DPP6: variants seen among roughly 807,000 people sequenced by gnomAD.
The protein encoded by DPP6 is dipeptidyl peptidase like 6, also known as A-type potassium channel modulatory protein DPP6.
A neutral mutation model predicts 122.6 loss-of-function variants in DPP6; 69 were observed. The observed-to-expected ratio is 0.56, with a 90% CI of 0.46 to 0.69. The LOEUF is 0.69. DPP6 is among the 30% of genes least tolerant of loss of function. The probability of loss-of-function intolerance (pLI) is 0.00; values close to 1 mark genes in which losing one functional copy is unlikely to be tolerated. For missense variants in DPP6, 928 were observed against 1,116.9 expected (o/e 0.83, Z 2.41); for synonymous variants, 418 against 433.1 (o/e 0.97, Z 0.43).
chr7:154,540,314 G>A (rs957649627), intron 3 of DPP6, among the ~76,000 whole-genome samples: 2 of 152,174 alleles, frequency 1.3e-5, no homozygotes, highest in East Asian at 1.9e-4. Flanking sequence ...GTGTGCGCCT[G>A]TGCTTTCTAT....
chr7:154,016,403 T>TA (rs1051090289), intron 1 of DPP6, among the ~76,000 whole-genome samples: 10 of 144,636 alleles, frequency 6.9e-5, no homozygotes, highest in South Asian at 2.1e-4. Flanking sequence ...AGGTTTATTT[T>TA]TTTTTTTTTT....
rs1217770016 is a variant in DPP6, at chr7:154,847,465, C to T, written c.1667-6315C>T. On this transcript the variant is annotated intron_variant, in intron 16 of 25. Coordinates refer to ENST00000377770, the MANE Select transcript of DPP6 (RefSeq NM_130797.4). ...TTGTTATGTCTTGTTTTTTTTTGTA[C>T]TCAACACTACTTATTTATTATTGTT... Among the ~76,000 whole-genome samples, 3 of 152,026 alleles carry T rather than the reference C, an allele frequency of 2.0e-5. No individual in the cohort carries two copies. In the East Asian group the frequency reaches 5.8e-4, roughly 29 times the overall value.
intron 1 of DPP6, among the ~76,000 whole-genome samples, chr7:154,016,399 A>ATT (rs201285127): frequency 0.013 from 1,947 of 144,236 alleles, 41 homozygotes; most frequent in African/African-American, 0.043. Context: ...AAGTAGGTTT[A>ATT]TTTTTTTTTT....
chr7:154,135,289 C>T (rs1795489916), intron 1 of DPP6, among the ~76,000 whole-genome samples: 2 of 151,788 alleles, frequency 1.3e-5, no homozygotes, highest in African/African-American at 2.4e-5. Flanking sequence ...TGGTATACTT[C>T]CTGTGAGCAC....
At chr7:154,447,998 A>G (rs1189585623) in intron 2 of DPP6, among the ~76,000 whole-genome samples, 1 of 152,236 alleles carries the variant, frequency 6.6e-6, no homozygotes, top group Non-Finnish European at 1.5e-5. Context: ...CAGTCCGCCT[A>G]AGACCAGGAG....
At chr7:154,489,245 T>A (rs953092870) in intron 3 of DPP6, among the ~76,000 whole-genome samples, 1 of 152,200 alleles carries the variant, frequency 6.6e-6, no homozygotes, top group Non-Finnish European at 1.5e-5. Flanking sequence ...AAGTTGGGAT[T>A]CAGGGATATC....
At chr7:154,429,964 C>A (rs1818224018) in intron 1 of DPP6, among the ~76,000 whole-genome samples, 1 of 152,186 alleles carries the variant, frequency 6.6e-6, no homozygotes, top group Non-Finnish European at 1.5e-5. Context: ...GGAATACAGG[C>A]CATCCTTCCT....
intron 1 of DPP6, among the ~76,000 whole-genome samples, chr7:153,932,701 A>G (rs1403936236): frequency 3.9e-5 from 6 of 152,190 alleles, no homozygotes; most frequent in Non-Finnish European, 8.8e-5. Flanking sequence ...TTCCACAGAA[A>G]ATACAGAATG....
At chr7:154,207,860 C>A (rs1440401911) in intron 1 of DPP6, among the ~76,000 whole-genome samples, 2 of 151,734 alleles carry the variant, frequency 1.3e-5, no homozygotes, top group Admixed American at 1.3e-4. Flanking sequence ...GAGGCTGAGG[C>A]AGGAGAATCA....
intron 7 of DPP6, among the ~76,000 whole-genome samples, chr7:154,706,200 C>G (rs538339057): frequency 6.6e-6 from 1 of 152,308 alleles, no homozygotes; most frequent in South Asian, 2.1e-4. Context: ...ATCCTCTCAC[C>G]GCCTGCCTTG....
chr7:154,312,220 C>G (rs1806961349), intron 1 of DPP6, among the ~76,000 whole-genome samples: 1 of 152,156 alleles, frequency 6.6e-6, no homozygotes, highest in Non-Finnish European at 1.5e-5. Context: ...TTTCTGCTTT[C>G]AAATCCTGAA....
intron 1 of DPP6, among the ~76,000 whole-genome samples, chr7:154,062,077 C>T (rs1802050371): frequency 1.8e-5 from 2 of 111,624 alleles, no homozygotes; most frequent in Admixed American, 9.0e-5. Context: ...CCCCCACTGG[C>T]TCTTAGGACC....
intron 1 of DPP6, among the ~76,000 whole-genome samples, chr7:154,166,452 C>T (rs62487229): frequency 6.6e-6 from 1 of 151,936 alleles, no homozygotes; most frequent in African/African-American, 2.4e-5. Flanking sequence ...AGGATGAAAC[C>T]GACAAAGACG....
intron 3 of DPP6, among the ~76,000 whole-genome samples, chr7:154,519,761 A>G (rs1473925831): frequency 2.0e-5 from 3 of 152,186 alleles, no homozygotes; most frequent in Non-Finnish European, 4.4e-5. Flanking sequence ...AAGCTTTATC[A>G]TAGATTCTAC....
chr7:154,717,435 ACT>A (rs57477985), intron 7 of DPP6, among the ~76,000 whole-genome samples: 5,984 of 151,598 alleles, frequency 0.039, 230 homozygotes, highest in East Asian at 0.11. Flanking sequence ...GCACCGTTCT[ACT>A]CTCTACTTCT....
At position 154,421,889 on chromosome 7, in the gene DPP6, A is replaced by G. The variant is rs144957647; in HGVS notation, c.244-24325A>G. Among the ~76,000 whole-genome samples, 19 of 152,316 alleles carry G rather than the reference A, an allele frequency of 1.2e-4. No homozygotes were observed. In the East Asian group the frequency reaches 3.7e-3, roughly 29 times the overall value. ...AGCATGTTGTAGGCACTCAGGAGAC[A>G]TTTATTTAATGATTGAAAAGCATCA... On this transcript the variant is annotated intron_variant, in intron 1 of 25. Coordinates refer to ENST00000377770, the MANE Select transcript of DPP6 (RefSeq NM_130797.4).
rs145367951 is a variant in DPP6 at position 154,364,760 on chromosome 7, C to T, written c.244-81454C>T. Among the ~76,000 whole-genome samples, 15 of 152,300 alleles carry T rather than the reference C, an allele frequency of 9.8e-5. No homozygotes were observed. In the East Asian group the frequency reaches 2.9e-3, roughly 29 times the overall value. On this transcript the variant is annotated intron_variant, in intron 1 of 25. Transcript: ENST00000377770. ...TTCCCTGATGGGAGTAATCATTCTGCACCTCGAGATTGACTTGATGTCTTA... is the reference window on the plus strand; with the variant it reads ...TTCCCTGATGGGAGTAATCATTCTGTACCTCGAGATTGACTTGATGTCTTA...
the DPP6 span, among the ~76,000 whole-genome samples, chr7:153,782,907 G>A: frequency 6.6e-6 from 1 of 152,202 alleles, no homozygotes; most frequent in African/African-American, 2.4e-5. Context: ...TGAGACCACT[G>A]CAGCCTGGGA....
At chr7:154,841,325 CT>C (rs1801519048) in intron 16 of DPP6, among the ~76,000 whole-genome samples, 1 of 140,300 alleles carries the variant, frequency 7.1e-6, no homozygotes, top group Admixed American at 7.2e-5. Flanking sequence ...CCTCTGCAGG[CT>C]TTGCCCCCCT....
Sources: gnomAD v4.1 joint callset for allele counts (sites outside exome capture counted in the v4.1 genomes callset) on GRCh38, gnomAD v4.1.1 for gene constraint, MANE v1.5 for transcripts, NCBI Gene and HGNC (gene_info 2026-07-23, HGNC 2026-07-21) for gene names.